Variants in ARID1A observed in about 807,000 individuals in gnomAD.
ARID1A encodes AT-rich interactive domain-containing protein 1A.
A neutral mutation model predicts 212.6 loss-of-function variants in ARID1A; 20 were observed. The ratio of observed to expected loss-of-function variants is 0.09; its 90% confidence interval spans 0.07 to 0.14. The LOEUF (loss-of-function observed/expected upper bound fraction) is 0.14, where lower values mean the gene tolerates loss of function less well. Among genes scored for constraint, ARID1A ranks in the 10% least tolerant of loss-of-function variants. ARID1A has a pLI of 1.00. For synonymous variants in ARID1A, 1,376 were observed against 1,222.1 expected (o/e 1.13, Z -2.63); for missense variants, 2,587 against 3,059.0 (o/e 0.85, Z 3.64).
At position 26,731,458 on chromosome 1, in the gene ARID1A, C is replaced by G. The variant is rs750699988; in HGVS notation, c.1657C>G (p.Gln553Glu). The G allele has an allele frequency of 1.1e-5, 18 of 1,613,830 alleles. No homozygotes were observed. The highest frequency in any genetic ancestry group is 1.4e-5 in the Non-Finnish European group (17 of 1,180,008). Residue 553 changes from glutamine (Q) to glutamate (E), a missense_variant, in exon 3 of 20, where the codon CAG becomes GAG. This residue lies in a region of ARID1A where 674 missense variants were observed against 813.4 expected (regional missense o/e 0.83). Coordinates refer to ENST00000324856, the MANE Select transcript of ARID1A (RefSeq NM_006015.6). ...QHPQSQPPYS[Q>E]PQAQSPYQQQ... ...CCCCCAGAGCCAGCCCCCCTACTCACAGCCACAGGCTCAGTCTCCTTACCA... is the reference window on the plus strand; with the variant it reads ...CCCCCAGAGCCAGCCCCCCTACTCAGAGCCACAGGCTCAGTCTCCTTACCA...
intron 4 of ARID1A, among the ~76,000 whole-genome samples, chr1:26,746,521 C>G (rs1198561438): frequency 6.6e-6 from 1 of 152,214 alleles, no homozygotes; most frequent in Non-Finnish European, 1.5e-5. Flanking sequence ...GTAGAAACCA[C>G]TAGGGTCCTT....
chr1:26,773,294 A>G (rs1000127957), intron 14 of ARID1A, 52 bp from the exon 15 acceptor site: 13 of 1,522,964 alleles, frequency 8.5e-6, no homozygotes, highest in South Asian at 1.3e-5. Flanking sequence ...AGGGTAGATT[A>G]CCAGGCTTGT....
chr1:26,768,201 T>C (rs540028387), intron 11 of ARID1A, among the ~76,000 whole-genome samples: 1 of 152,198 alleles, frequency 6.6e-6, no homozygotes, highest in South Asian at 2.1e-4. Flanking sequence ...TAGTATGAGG[T>C]ATTAGCAGTA....
At position 26,702,754 on chromosome 1, in the gene ARID1A, T is replaced by C. The variant is rs371680883; in HGVS notation, c.1137+5214T>C. 1.2e-4 allele frequency among the ~76,000 whole-genome samples: 18 copies of C among 152,090 alleles called. No individual in the cohort carries two copies. The South Asian group carries it at 3.5e-3, about 30-fold the overall frequency. ...GAAGTGATCTAAAAAAAAATTGAAA[T>C]GGAAAGATGCTGCCCTGGTAGTGAA... On this transcript the variant is annotated intron_variant, in intron 1 of 19. Coordinates refer to ENST00000324856, the MANE Select transcript of ARID1A (RefSeq NM_006015.6).
At position 26,759,428 on chromosome 1, in the gene ARID1A, G is replaced by A. The variant is rs370513046; in HGVS notation, c.1921-1428G>A. On this transcript the variant is annotated intron_variant, in intron 4 of 19. Coordinates refer to ENST00000324856, the MANE Select transcript of ARID1A (RefSeq NM_006015.6). ...TTGCCACGTTGCCCAGGCTGGTCTC[G>A]AACTCCTGGGCTCAAGTGATCTGCC... is the stretch of plus-strand genomic sequence containing the variant. Among the ~76,000 whole-genome samples, 52 of 152,102 alleles carry A rather than the reference G, an allele frequency of 3.4e-4. 1 individual carries two copies. The East Asian group carries it at 7.9e-3, about 23-fold the overall frequency.
intron 1 of ARID1A, among the ~76,000 whole-genome samples, chr1:26,706,855 T>TA (rs1361688948): frequency 2.0e-5 from 3 of 152,226 alleles, no homozygotes; most frequent in Non-Finnish European, 4.4e-5. Context: ...GATCTAGCGT[T>TA]ATGTGAAACT....
At chr1:26,772,412 A>G (rs2081090404) in intron 12 of ARID1A, 88 bp from the exon 13 acceptor site, 2 of 1,583,366 alleles carry the variant, frequency 1.3e-6, no homozygotes, top group Admixed American at 1.7e-5. Flanking sequence ...GAACTTTCCC[A>G]AAGAGATTCT....
chr1:26,773,112 C>A, intron 14 of ARID1A, 125 bp downstream of exon 14: 2 of 1,338,612 alleles, frequency 1.5e-6, no homozygotes, highest in Non-Finnish European at 2.0e-6. Flanking sequence ...ATTTCCTGCC[C>A]TAACTACCCC....
At chr1:26,741,242 T>A (rs1232357694) in intron 4 of ARID1A, among the ~76,000 whole-genome samples, 1 of 152,156 alleles carries the variant, frequency 6.6e-6, no homozygotes, top group Admixed American at 6.5e-5. Flanking sequence ...TGTGTAATAT[T>A]TCTGGAAGCC....
Position 26,774,306 on chromosome 1 carries a change from C to G in ARID1A, c.4102-23C>G. Reference sequence around the variant, plus strand: ...TCCCTGAGTGCAGAGTATTAACTTCCCCTCTGCTTGTCTCTGCCTTAGAAT... The same window carrying G: ...TCCCTGAGTGCAGAGTATTAACTTCGCCTCTGCTTGTCTCTGCCTTAGAAT... On this transcript the variant is annotated intron_variant, in intron 17 of 19. Coordinates refer to ENST00000324856, the MANE Select transcript of ARID1A (RefSeq NM_006015.6). This position sits in a 1 kb window ranked among gnomAD's most constrained non-coding sequence, Gnocchi z 5.6. The G allele has an allele frequency of 1.3e-6, 2 of 1,522,234 alleles. No homozygotes were observed. Among genetic ancestry groups the G allele is most frequent in the Non-Finnish European group, 1.8e-6 (2 of 1,135,070 alleles). The allele number at this position is 1,522,234 out of a possible 1,614,324, so 94.3% of individuals were successfully genotyped here.
chr1:26,738,549 T>C (rs1197425641), intron 4 of ARID1A, among the ~76,000 whole-genome samples: 1 of 152,028 alleles, frequency 6.6e-6, no homozygotes, highest in Non-Finnish European at 1.5e-5. Flanking sequence ...TCAGGAAGTA[T>C]ACATCTGACA....
Position 26,782,060 on chromosome 1 carries a change from A to G in ARID1A, c.*1304A>G, listed in dbSNP as rs1411656473. 1 of 229,504 alleles carries G rather than the reference A, an allele frequency of 4.4e-6. No individual in the cohort carries two copies. The highest frequency in any genetic ancestry group is 6.3e-5 in the East Asian group (1 of 15,944). 14.2% of individuals were successfully genotyped at this position (229,504 alleles called of 1,614,324 possible). On this transcript the variant is annotated 3_prime_UTR_variant, in exon 20 of 20. Coordinates refer to ENST00000324856, the MANE Select transcript of ARID1A (RefSeq NM_006015.6). ...TTATTCAGTATGAAATCTTTATACT[A>G]TATGTTCCACGTGTTAAGAATAAAT...
At position 26,762,228 on chromosome 1, in the gene ARID1A, T is replaced by C. The variant is rs564495050; in HGVS notation, c.2328T>C (p.Pro776=). The C allele has an allele frequency of 2.8e-5, 46 of 1,614,184 alleles. No homozygotes were observed. In the South Asian group the frequency reaches 4.7e-4, roughly 17 times the overall value. The change falls in exon 7 of 20, where the codon CCT becomes CCC. Residue 776 remains proline (P), a synonymous_variant. Coordinates refer to ENST00000324856, the MANE Select transcript of ARID1A (RefSeq NM_006015.6). Reference sequence around the variant, plus strand: ...GCTCAGCCTTATCTCCGCGTCAGCCTTCCGGAGGACAGATACACACAGGCA... The same window carrying C: ...GCTCAGCCTTATCTCCGCGTCAGCCCTCCGGAGGACAGATACACACAGGCA... The part of the protein sequence containing the change: ...QPGSALSPRQ[P]SGGQIHTGMG...
chr1:26,697,556 G>A lies in ARID1A; in HGVS notation c.1137+16G>A. On this transcript the variant is annotated intron_variant, in intron 1 of 19. Transcript: ENST00000324856. ...GACCCCTCAGGTACACAGCTGAGTG[G>A]GGAGGGGGCTGGGGCGAGCGTGGTC... The A allele has an allele frequency of 7.5e-7, 1 of 1,336,050 alleles. No homozygotes were observed. Among genetic ancestry groups the A allele is most frequent in the Non-Finnish European group, 9.5e-7 (1 of 1,051,330 alleles). The allele number at this position is 1,336,050 out of a possible 1,614,324, so 82.8% of individuals were successfully genotyped here.
At chr1:26,758,191 G>T (rs1319735597) in intron 4 of ARID1A, among the ~76,000 whole-genome samples, 1 of 152,094 alleles carries the variant, frequency 6.6e-6, no homozygotes, top group Non-Finnish European at 1.5e-5. Context: ...TGCTTCTTGA[G>T]ACCCTTTCTA....
intron 1 of ARID1A, among the ~76,000 whole-genome samples, chr1:26,714,469 AGT>A (rs751336378): frequency 2.2e-4 from 33 of 152,200 alleles, no homozygotes; most frequent in Non-Finnish European, 3.5e-4. Flanking sequence ...GCTGGAGTGT[AGT>A]GGCGCAATCT....
Position 26,779,100 on chromosome 1 carries a change from T to C in ARID1A, c.5202T>C (p.Tyr1734=). The change falls in exon 20 of 20, where the codon TAT becomes TAC. Residue 1734 remains tyrosine (Y), a synonymous_variant. Coordinates refer to ENST00000324856, the MANE Select transcript of ARID1A (RefSeq NM_006015.6). The part of the protein sequence containing the change: ...LIEIFGILKE[Y]EVGDPGQRTL... ...AGATCTTTGGCATTTTAAAGGAGTA[T>C]GAGGTGGGTGACCCAGGACAGAGAA... 1 of 1,537,878 alleles carries C rather than the reference T, an allele frequency of 6.5e-7. No individual in the cohort carries two copies. The highest frequency in any genetic ancestry group is 1.4e-5 in the African/African-American group (1 of 72,366).
intron 4 of ARID1A, among the ~76,000 whole-genome samples, chr1:26,739,716 C>T (rs1306986640): frequency 1.3e-5 from 2 of 152,164 alleles, no homozygotes; most frequent in Non-Finnish European, 2.9e-5. Flanking sequence ...CTGCCAGTAC[C>T]ACCCTGGGAG....
rs756198362 is a variant in ARID1A, at chr1:26,779,558, G to A, written c.5660G>A (p.Gly1887Asp). ...APRKHVTTAE[G>D]TPGTTDQEGP... ...CGGAAGCATGTGACAACAGCAGAGG[G>A]TACACCAGGGACAACAGACCAGGAG... The change falls in exon 20 of 20, where the codon GGT (glycine) becomes GAT (aspartate). Residue 1887 changes from glycine (G) to aspartate (D), a missense_variant. Around this residue, in one of 11 missense-constraint regions of ARID1A, gnomAD observed 890 missense variants for 1,098.2 expected, o/e 0.81. Transcript: ENST00000324856. The A allele has an allele frequency of 5.0e-6, 8 of 1,614,096 alleles. No individual in the cohort carries two copies. Among genetic ancestry groups the A allele is most frequent in the Non-Finnish European group, 6.8e-6 (8 of 1,180,024 alleles).
Sources: gnomAD v4.1 joint callset for allele counts (sites outside exome capture counted in the v4.1 genomes callset) on GRCh38, gnomAD v4.1.1 for gene constraint, gnomAD v4.1.1 regional missense constraint, Gnocchi (gnomAD v3.1) non-coding constraint, MANE v1.5 for transcripts, NCBI Gene and HGNC (gene_info 2026-07-23, HGNC 2026-07-21) for gene names.